HIF1AN: variants seen among roughly 807,000 people sequenced by gnomAD.
HIF1AN encodes the protein hypoxia inducible factor 1 subunit alpha inhibitor, also known as hypoxia-inducible factor 1-alpha inhibitor.
In HIF1AN, 21 loss-of-function variants were observed where a neutral mutation model predicts 47.7. The observed-to-expected ratio is 0.44, with a 90% CI of 0.31 to 0.63. The LOEUF (loss-of-function observed/expected upper bound fraction) is 0.63. Among genes scored for constraint, HIF1AN ranks in the 30% least tolerant of loss-of-function variants. The probability of loss-of-function intolerance (pLI) is 0.07; values close to 1 mark genes in which losing one functional copy is unlikely to be tolerated. For synonymous variants in HIF1AN, 152 were observed against 155.9 expected, an observed-to-expected ratio of 0.98 and a Z score of 0.18; for missense variants, 320 against 432.7, an observed-to-expected ratio of 0.74 and a Z score of 2.31.
chr10:100,547,509 T>C (rs1452542548), intron 7 of HIF1AN, among the ~76,000 whole-genome samples: 1 of 152,266 alleles, frequency 6.6e-6, no homozygotes. Flanking sequence ...AGGGGATTCT[T>C]CTGGAACAGG....
In HIF1AN at chr10:100,550,493, C is replaced by G. The variant is rs1843147000; in HGVS notation, c.*2356C>G. On this transcript the variant is annotated 3_prime_UTR_variant, in exon 8 of 8. Coordinates refer to ENST00000299163, the MANE Select transcript of HIF1AN (RefSeq NM_017902.3). ...AAACCCCTTGCTCCTTCCTTTCCACCAAACTATGTTGATTTTCCTTCCTTA... is the reference window on the plus strand; with the variant it reads ...AAACCCCTTGCTCCTTCCTTTCCACGAAACTATGTTGATTTTCCTTCCTTA... 1 of 152,240 alleles carries G rather than the reference C, an allele frequency of 6.6e-6. No homozygotes were observed. Among genetic ancestry groups the G allele is most frequent in the Non-Finnish European group, 1.5e-5 (1 of 68,078 alleles). 9.4% of individuals were successfully genotyped at this position (152,240 alleles called of 1,614,324 possible). A position where few individuals can be genotyped will look rare whatever the true frequency, so the allele number is the denominator to read the frequency against.
At chr10:100,546,184 A>G (rs1843092095) in intron 5 of HIF1AN, 135 bp downstream of exon 5, 3 of 676,508 alleles carry the variant, frequency 4.4e-6, no homozygotes, top group African/African-American at 3.6e-5. Flanking sequence ...ATATCCAGAC[A>G]TGAGCGTACT....
chr10:100,537,433 T>G (rs1445088549), intron 2 of HIF1AN, among the ~76,000 whole-genome samples: 3 of 152,260 alleles, frequency 2.0e-5, no homozygotes, highest in Non-Finnish European at 4.4e-5. Flanking sequence ...TTAAGTATTG[T>G]GATGACTGAG....
chr10:100,538,637 G>A (rs1412014771), intron 2 of HIF1AN, among the ~76,000 whole-genome samples: 24 of 151,710 alleles, frequency 1.6e-4, no homozygotes, highest in Admixed American at 1.2e-3. Context: ...CGTGGCTAAC[G>A]TGGTGAAACC....
chr10:100,548,234 C>T lies in HIF1AN; in HGVS notation c.*97C>T. 9.3e-7 allele frequency: 1 copy of T among 1,074,204 alleles called. No homozygotes were observed. Among genetic ancestry groups the T allele is most frequent in the South Asian group, 1.6e-5 (1 of 60,966 alleles). The allele number at this position is 1,074,204 out of a possible 1,614,324, so 66.5% of individuals were successfully genotyped here. A position where few individuals can be genotyped will look rare whatever the true frequency, so the allele number is the denominator to read the frequency against. On this transcript the variant is annotated 3_prime_UTR_variant, in exon 8 of 8. Coordinates refer to ENST00000299163, the MANE Select transcript of HIF1AN (RefSeq NM_017902.3). The stretch of plus-strand genomic sequence containing the variant: ...AGACTCCAAGCGCTAGTATTGCACG[C>T]TGCACTTAATGGACTGGACTCTTGC...
chr10:100,542,080 A>G (rs1843039290), intron 3 of HIF1AN, among the ~76,000 whole-genome samples: 1 of 152,174 alleles, frequency 6.6e-6, no homozygotes, highest in Non-Finnish European at 1.5e-5. Flanking sequence ...TGACAAAAGA[A>G]AAAAGTATAT....
chr10:100,547,872 C>T (rs1039276747), intron 7 of HIF1AN, among the ~76,000 whole-genome samples: 17 of 152,066 alleles, frequency 1.1e-4, no homozygotes, highest in African/African-American at 3.9e-4. Flanking sequence ...CGGTGTTGTG[C>T]GAGAGAAGAA....
intron 5 of HIF1AN, 55 bp from the exon 6 acceptor site, chr10:100,546,463 T>TCCCCCC: frequency 6.2e-6 from 2 of 323,216 alleles, no homozygotes; most frequent in South Asian, 3.5e-5. Context: ...ACTTCGCCCC[T>TCCCCCC]CCGCCCCCGC....
Position 100,551,113 on chromosome 10 carries a change from TG to T in HIF1AN, c.*2981del, listed in dbSNP as rs1481512251. 2 of 151,642 alleles carry T rather than the reference TG, an allele frequency of 1.3e-5. No homozygotes were observed. Among genetic ancestry groups the T allele is most frequent in the African/African-American group, 4.8e-5 (2 of 41,262 alleles). 9.4% of individuals were successfully genotyped at this position (151,642 alleles called of 1,614,324 possible). ...GTGTTTTGTAAAGTCAAATATTTGT[TG>T]GGGGTTGGAGTTCTGGGGTTGGAGG... On this transcript the variant is annotated 3_prime_UTR_variant, in exon 8 of 8. Coordinates refer to ENST00000299163, the MANE Select transcript of HIF1AN (RefSeq NM_017902.3).
rs1478347123 is a variant in HIF1AN at position 100,558,210 on chromosome 10, G to A, written c.*10073G>A. 6.6e-6 allele frequency: 1 copy of A among 152,246 alleles called. No homozygotes were observed. The highest frequency in any genetic ancestry group is 1.5e-5 in the Non-Finnish European group (1 of 68,060). The allele number at this position is 152,246 out of a possible 1,614,324, so 9.4% of individuals were successfully genotyped here. A position where few individuals can be genotyped will look rare whatever the true frequency, so the allele number is the denominator to read the frequency against. ...CGGAGGACAAGACCCTGAACTAAGG[G>A]TGAGGAGGCCAGCATTCTGTCAGGA... On this transcript the variant is annotated 3_prime_UTR_variant, in exon 8 of 8. Transcript: ENST00000299163.
chr10:100,547,245 C>G lies in HIF1AN; in HGVS notation c.1000C>G (p.Gln334Glu). 1 of 1,610,680 alleles carries G rather than the reference C, an allele frequency of 6.2e-7. No homozygotes were observed. The stretch of plus-strand genomic sequence containing the variant: ...GCTTGGAGAGGCCTTGGGGAACCCA[C>G]AAGAGGTAGGTGACTGCCCCAAGGT... The part of the protein sequence containing the change: ...KMLGEALGNP[Q>E]EVGPLLNTMI... The change falls in exon 7 of 8, where the codon CAA (glutamine) becomes GAA (glutamate). Residue 334 changes from glutamine (Q) to glutamate (E), a missense_variant. Around this residue, in one of 2 missense-constraint regions of HIF1AN, gnomAD observed 161 missense variants for 272.8 expected, o/e 0.59. Coordinates refer to ENST00000299163, the MANE Select transcript of HIF1AN (RefSeq NM_017902.3).
chr10:100,544,838 T>A (rs144335682), intron 3 of HIF1AN, 113 bp from the exon 4 acceptor site: 13,741 of 996,366 alleles, frequency 0.014, 208 homozygotes, highest in Middle Eastern at 0.063. Context: ...AATTTTGATT[T>A]GGAACTTTTA....
rs1163815544 is a variant in HIF1AN, at chr10:100,548,330, C to G, written c.*193C>G. On this transcript the variant is annotated 3_prime_UTR_variant, in exon 8 of 8. Coordinates refer to ENST00000299163, the MANE Select transcript of HIF1AN (RefSeq NM_017902.3). ...ACTCCACTCCTATTTGGAGGGACTTCATACCCTTGCCTCTTGTGCCCCAGC... is the reference window on the plus strand; with the variant it reads ...ACTCCACTCCTATTTGGAGGGACTTGATACCCTTGCCTCTTGTGCCCCAGC... The G allele has an allele frequency of 3.5e-5, 18 of 509,618 alleles. No individual in the cohort carries two copies. Among genetic ancestry groups the G allele is most frequent in the Non-Finnish European group, 5.9e-5 (17 of 289,936 alleles). The allele number at this position is 509,618 out of a possible 1,614,324, so 31.6% of individuals were successfully genotyped here.
At position 100,551,410 on chromosome 10, in the gene HIF1AN, G is replaced by A. The variant is rs999784730; in HGVS notation, c.*3273G>A. The A allele has an allele frequency of 5.3e-5, 8 of 152,248 alleles. No individual in the cohort carries two copies. The highest frequency in any genetic ancestry group is 1.9e-4 in the African/African-American group (8 of 41,462). 9.4% of individuals were successfully genotyped at this position (152,248 alleles called of 1,614,324 possible). A position where few individuals can be genotyped will look rare whatever the true frequency, so the allele number is the denominator to read the frequency against. ...GGATCCTTATCAGTGGGCCAGCCCA[G>A]TATGGGGAGACACTCCCTCCCTCTG... On this transcript the variant is annotated 3_prime_UTR_variant, in exon 8 of 8. Coordinates refer to ENST00000299163, the MANE Select transcript of HIF1AN (RefSeq NM_017902.3).
chr10:100,540,266 GA>G (rs1357648768), intron 2 of HIF1AN, among the ~76,000 whole-genome samples: 1 of 151,570 alleles, frequency 6.6e-6, no homozygotes, highest in African/African-American at 2.4e-5. Flanking sequence ...CTTCTTTAAA[GA>G]AAAAGTTTGG....
At chr10:100,537,789 A>G (rs7084810) in intron 2 of HIF1AN, among the ~76,000 whole-genome samples, 31,478 of 152,182 alleles carry the variant, frequency 0.21, 3,351 homozygotes, top group South Asian at 0.23. Context: ...CCTTATCAGC[A>G]GTCTGTGGCT....
At chr10:100,545,742 A>T (rs929773585) in intron 4 of HIF1AN, among the ~76,000 whole-genome samples, 1 of 152,166 alleles carries the variant, frequency 6.6e-6, no homozygotes, top group African/African-American at 2.4e-5. Context: ...TAACATTCAA[A>T]TGTGGACTGT....
chr10:100,544,898 G>C lies in HIF1AN; in HGVS notation c.578-53G>C, dbSNP rs2133726743. ...CTTTAGCACTGGGTCCTGTATTCCA[G>C]CTTATGCAATAGAACCACTGCTCTG... On this transcript the variant is annotated intron_variant, in intron 3 of 7. Transcript: ENST00000299163. 3.8e-6 allele frequency: 6 copies of C among 1,576,760 alleles called. No homozygotes were observed. The South Asian group carries it at 6.7e-5, about 18-fold the overall frequency.
In HIF1AN at chr10:100,555,548, G is replaced by C. The variant is rs1371720537; in HGVS notation, c.*7411G>C. The C allele has an allele frequency of 2.6e-5, 4 of 152,262 alleles. No homozygotes were observed. Among genetic ancestry groups the C allele is most frequent in the Non-Finnish European group, 4.4e-5 (3 of 68,112 alleles). The allele number at this position is 152,262 out of a possible 1,614,324, so 9.4% of individuals were successfully genotyped here. A position where few individuals can be genotyped will look rare whatever the true frequency, so the allele number is the denominator to read the frequency against. On this transcript the variant is annotated 3_prime_UTR_variant, in exon 8 of 8. Transcript: ENST00000299163. ...TCACTATAAGCCAAGTCTCCCTGCA[G>C]TTCTCTATAAATACTCAGATCCTCT...
Sources: allele counts gnomAD v4.1 joint callset (sites outside exome capture counted in the v4.1 genomes callset), GRCh38; gene constraint gnomAD v4.1.1; regional missense constraint gnomAD v4.1.1; transcripts MANE v1.5; gene names NCBI Gene and HGNC (gene_info 2026-07-23, HGNC 2026-07-21).